PSMA1: variants seen among roughly 807,000 people sequenced by gnomAD.
The protein encoded by PSMA1 is proteasome 20S subunit alpha 1.
PSMA1 carries 3 observed loss-of-function variants against 38.4 expected under a neutral mutation model. The ratio of observed to expected loss-of-function variants is 0.08; its 90% CI spans 0.04 to 0.20. PSMA1 has a LOEUF of 0.20. Ranked by LOEUF, PSMA1 falls within the 10% of genes least tolerant of loss-of-function variation. PSMA1 has a pLI of 1.00. For synonymous variants in PSMA1, 101 were observed against 107.1 expected, an observed-to-expected ratio of 0.94 and a Z score of 0.35; for missense variants, 227 against 325.3, an observed-to-expected ratio of 0.70 and a Z score of 2.32.
intron 1 of PSMA1, among the ~76,000 whole-genome samples, chr11:14,643,087 T>A (rs976987373): frequency 1.3e-5 from 2 of 151,142 alleles, no homozygotes; most frequent in African/African-American, 4.9e-5. Context: ...AGATGGTTCT[T>A]GAGCAACACT....
intron 1 of PSMA1, among the ~76,000 whole-genome samples, chr11:14,630,616 C>T (rs1852990745): frequency 6.6e-6 from 1 of 151,402 alleles, no homozygotes; most frequent in Non-Finnish European, 1.5e-5. Context: ...GGATATTGGT[C>T]TAAAATTCTC....
chr11:14,572,269 G>C (rs1260959257), intron 2 of PSMA1, among the ~76,000 whole-genome samples: 2 of 152,128 alleles, frequency 1.3e-5, no homozygotes, highest in Non-Finnish European at 2.9e-5. Flanking sequence ...TGGAAGTAAA[G>C]CACTCCTCAG....
upstream of PSMA1, among the ~76,000 whole-genome samples, chr11:14,522,030 C>T (rs946724181): frequency 6.6e-6 from 1 of 152,132 alleles, no homozygotes; most frequent in Non-Finnish European, 1.5e-5. Flanking sequence ...TAAATAAATG[C>T]TCATTTAAAA....
At chr11:14,628,361 C>A (rs1590016086) in intron 1 of PSMA1, among the ~76,000 whole-genome samples, 1 of 125,212 alleles carries the variant, frequency 8.0e-6, no homozygotes, top group Non-Finnish European at 1.6e-5. Flanking sequence ...ATTCCCCTTC[C>A]TGTGTCCATG....
rs536939363 is a variant in PSMA1, at chr11:14,520,323, G to A, written c.-24C>T. The A allele has an allele frequency of 4.3e-6, 7 of 1,614,192 alleles. No individual in the cohort carries two copies. Among genetic ancestry groups the A allele is most frequent in the African/African-American group, 4.0e-5 (3 of 75,058 alleles). ...ATGGTGGCGGCGCGGGCCTGGTTGC[G>A]GCCTCCAGCAAAACTGAGAATCAAG... On this transcript the variant is annotated 5_prime_UTR_variant, in exon 1 of 10. Transcript: ENST00000396394.
At chr11:14,638,571 ATATATATATATATATTTTTTTTTTTTTTT>A (rs1565065528) in intron 1 of PSMA1, among the ~76,000 whole-genome samples, 3 of 12,496 alleles carry the variant, frequency 2.4e-4, no homozygotes, top group African/African-American at 9.7e-4. Flanking sequence ...ATATATATAT[ATATATATATATATATTTTTTTTTTTTTTT>A]TTTTTTTTTT....
At chr11:14,585,181 T>C (rs1276624740) in intron 2 of PSMA1, among the ~76,000 whole-genome samples, 3 of 152,192 alleles carry the variant, frequency 2.0e-5, no homozygotes, top group South Asian at 2.1e-4. Flanking sequence ...TCCTATACTA[T>C]CCAGGCCTAG....
Position 14,507,636 on chromosome 11 carries a change from C to T in PSMA1, c.735+20G>A. ...GCAGCTTACAATAGAACTAAAGCCT[C>T]TTGTGTTATGATTATATACCTGTGC... On this transcript the variant is annotated intron_variant, in intron 9 of 9. Coordinates refer to ENST00000396394, the MANE Select transcript of PSMA1 (RefSeq NM_002786.4). 6.7e-7 allele frequency: 1 copy of T among 1,485,644 alleles called. No individual in the cohort carries two copies. Among genetic ancestry groups the T allele is most frequent in the Non-Finnish European group, 9.4e-7 (1 of 1,066,174 alleles). 92.0% of individuals were successfully genotyped at this position (1,485,644 alleles called of 1,614,324 possible). A position where few individuals can be genotyped will look rare whatever the true frequency, so the allele number is the denominator to read the frequency against.
intron 5 of PSMA1, 63 bp from the exon 6 acceptor site, chr11:14,513,950 T>C: frequency 6.7e-7 from 1 of 1,491,526 alleles, no homozygotes; most frequent in South Asian, 1.4e-5. Context: ...TTTCAAATTA[T>C]ACATTATTAA....
chr11:14,511,090 C>T (rs1851335165), intron 7 of PSMA1, 139 bp from the exon 8 acceptor site: 1 of 470,302 alleles, frequency 2.1e-6, no homozygotes. Flanking sequence ...AAGTTTAATG[C>T]TAGTCATATA....
intron 2 of PSMA1, among the ~76,000 whole-genome samples, chr11:14,592,438 T>G (rs1240272645): frequency 1.3e-5 from 2 of 151,438 alleles, no homozygotes; most frequent in Non-Finnish European, 2.9e-5. Flanking sequence ...CAGGCTGGAG[T>G]GCAGTGGTGC....
At chr11:14,507,618 A>G in intron 9 of PSMA1, 38 bp downstream of exon 9, 1 of 1,384,390 alleles carries the variant, frequency 7.2e-7, no homozygotes, top group South Asian at 1.2e-5. Flanking sequence ...ACAGCAGCTT[A>G]CAATAGAACT....
chr11:14,631,027 T>A (rs1253925043), intron 1 of PSMA1, among the ~76,000 whole-genome samples: 2 of 152,210 alleles, frequency 1.3e-5, no homozygotes, highest in African/African-American at 4.8e-5. Context: ...TTTATCATTT[T>A]TTATTGCGTC....
At chr11:14,572,578 G>C (rs1199283526) in intron 2 of PSMA1, among the ~76,000 whole-genome samples, 1 of 152,132 alleles carries the variant, frequency 6.6e-6, no homozygotes, top group African/African-American at 2.4e-5. Flanking sequence ...ATCTAAAATT[G>C]ACACCCTAAC....
At chr11:14,630,692 G>A (rs1248783796) in intron 1 of PSMA1, among the ~76,000 whole-genome samples, 1 of 151,774 alleles carries the variant, frequency 6.6e-6, no homozygotes, top group Admixed American at 6.6e-5. Flanking sequence ...AATGAGTTAG[G>A]GAGGATTCCC....
chr11:14,573,432 T>C (rs1270907108), intron 2 of PSMA1, among the ~76,000 whole-genome samples: 5 of 152,200 alleles, frequency 3.3e-5, no homozygotes, highest in Non-Finnish European at 7.3e-5. Context: ...TCTCAATAGA[T>C]GCAGAAAAGG....
intron 1 of PSMA1, among the ~76,000 whole-genome samples, chr11:14,638,545 CTATA>C (rs1243564648): frequency 0.019 from 300 of 15,800 alleles, 2 homozygotes; most frequent in African/African-American, 0.02. Context: ...CTCTCTCTCT[CTATA>C]TATATATATA....
At chr11:14,628,164 T>G (rs1852940607) in intron 1 of PSMA1, among the ~76,000 whole-genome samples, 1 of 152,070 alleles carries the variant, frequency 6.6e-6, no homozygotes, top group African/African-American at 2.4e-5. Context: ...GATGGAATAG[T>G]TTTTCTTTTT....
intron 2 of PSMA1, among the ~76,000 whole-genome samples, chr11:14,581,453 CAG>C (rs1313240491): frequency 3.3e-5 from 5 of 152,036 alleles, no homozygotes; most frequent in African/African-American, 1.2e-4. Context: ...ATGATAATAC[CAG>C]TACATACTTC....
Sources: allele counts gnomAD v4.1 joint callset (sites outside exome capture counted in the v4.1 genomes callset), GRCh38; gene constraint gnomAD v4.1.1; transcripts MANE v1.5; gene names NCBI Gene and HGNC (gene_info 2026-07-23, HGNC 2026-07-21).